Variants in PPFIA2 observed in about 807,000 individuals in gnomAD.
The protein encoded by PPFIA2 is PPFI scaffold protein A2, also known as liprin-alpha-2.
In PPFIA2, 46 loss-of-function variants were observed where a neutral mutation model predicts 175.5. That is an observed-to-expected ratio of 0.26 (90% CI 0.21 to 0.34). The LOEUF (loss-of-function observed/expected upper bound fraction) is 0.34. PPFIA2 is among the 10% of genes least tolerant of loss of function. The pLI, the probability that PPFIA2 is intolerant of heterozygous loss-of-function variation, is 1.00. For missense variants in PPFIA2, 1,179 were observed against 1,506.1 expected, an observed-to-expected ratio of 0.78 and a Z score of 3.60; for synonymous variants, 568 against 511.4, an observed-to-expected ratio of 1.11 and a Z score of -1.49.
rs563525020 is a variant in PPFIA2 at position 81,448,504 on chromosome 12, C to G, written c.406-2784G>C. On this transcript the variant is annotated intron_variant, in intron 5 of 32. Transcript: ENST00000549396. ...GAGTTAGGTCATTTATACCTCTGCT[C>G]AAATTTTTAATGTCTTCTTATTGAG... Among the ~76,000 whole-genome samples, 11 of 152,302 alleles carry G rather than the reference C, an allele frequency of 7.2e-5. No homozygotes were observed. In the South Asian group the frequency reaches 1.0e-3, roughly 14 times the overall value.
At chr12:81,612,294 G>A (rs1440697358) in intron 4 of PPFIA2, among the ~76,000 whole-genome samples, 2 of 152,010 alleles carry the variant, frequency 1.3e-5, no homozygotes, top group African/African-American at 4.8e-5. Context: ...CACTTGTAGT[G>A]CTCATTCTTT....
chr12:81,618,047 C>T (rs908311935), intron 4 of PPFIA2, among the ~76,000 whole-genome samples: 2 of 152,092 alleles, frequency 1.3e-5, no homozygotes, highest in Non-Finnish European at 2.9e-5. Context: ...TTTGCAGTTG[C>T]TGATTTTTTT....
chr12:81,496,679 C>T (rs2060060974), intron 4 of PPFIA2, among the ~76,000 whole-genome samples: 2 of 152,118 alleles, frequency 1.3e-5, no homozygotes, highest in Non-Finnish European at 2.9e-5. Context: ...ATCAGAGAGT[C>T]CAATGTTTCT....
intron 4 of PPFIA2, among the ~76,000 whole-genome samples, chr12:81,474,888 A>G (rs1007535173): frequency 9.9e-5 from 15 of 152,230 alleles, no homozygotes; most frequent in African/African-American, 2.4e-5. Flanking sequence ...AGTCACTAGC[A>G]GATACAAAAG....
At chr12:81,527,169 G>T (rs2063826760) in intron 4 of PPFIA2, among the ~76,000 whole-genome samples, 2 of 152,084 alleles carry the variant, frequency 1.3e-5, no homozygotes, top group African/African-American at 4.8e-5. Context: ...ATAGGTGTCA[G>T]CACTGTAAAA....
chr12:81,377,752 C>T (rs1291526319), intron 9 of PPFIA2, among the ~76,000 whole-genome samples: 1 of 151,890 alleles, frequency 6.6e-6, no homozygotes, highest in African/African-American at 2.4e-5. Context: ...TTATTTCTTC[C>T]CCTCCATCTT....
chr12:81,584,763 T>C (rs995279244), intron 4 of PPFIA2, among the ~76,000 whole-genome samples: 1 of 140,894 alleles, frequency 7.1e-6, no homozygotes, highest in Non-Finnish European at 1.5e-5. Context: ...ATGGTAAATA[T>C]ATAGCATAAA....
At chr12:81,719,984 G>C (rs905658231) in intron 3 of PPFIA2, among the ~76,000 whole-genome samples, 1 of 151,256 alleles carries the variant, frequency 6.6e-6, no homozygotes, top group Non-Finnish European at 1.5e-5. Flanking sequence ...TCTGTATTTA[G>C]AGTTAGTAAA....
intron 2 of PPFIA2, among the ~76,000 whole-genome samples, chr12:81,758,015 G>C (rs922014400): frequency 6.6e-6 from 1 of 152,092 alleles, no homozygotes; most frequent in Admixed American, 6.5e-5. Context: ...CTCTTTGAAA[G>C]CCTCTGTCCT....
chr12:81,288,210 AAACACT>A (rs1464488345), intron 24 of PPFIA2, among the ~76,000 whole-genome samples: 1 of 151,872 alleles, frequency 6.6e-6, no homozygotes, highest in Non-Finnish European at 1.5e-5. Context: ...GAATAGAAAG[AAACACT>A]AAAAAGTTTA....
intron 3 of PPFIA2, among the ~76,000 whole-genome samples, chr12:81,735,765 T>C (rs556214301): frequency 6.6e-6 from 1 of 151,964 alleles, no homozygotes; most frequent in Admixed American, 6.6e-5. Flanking sequence ...TTGTGTATGA[T>C]GTTTGGTAAG....
chr12:81,444,575 TTTC>T (rs751513809), intron 6 of PPFIA2, among the ~76,000 whole-genome samples: 4 of 152,118 alleles, frequency 2.6e-5, no homozygotes, highest in East Asian at 3.8e-4. Flanking sequence ...TGAGATACAA[TTTC>T]TTCTTAATAC....
intron 24 of PPFIA2, among the ~76,000 whole-genome samples, chr12:81,290,852 A>G (rs1034020756): frequency 1.3e-5 from 2 of 151,870 alleles, no homozygotes; most frequent in African/African-American, 2.4e-5. Context: ...ACAAGCACAT[A>G]TTTTACACAC....
chr12:81,546,308 T>G (rs1487203445), intron 4 of PPFIA2: 1 of 152,068 alleles, frequency 6.6e-6, no homozygotes, highest in African/African-American at 2.4e-5. Context: ...TTACCACTGT[T>G]TTTTTCTAAA....
chr12:81,718,894 A>T (rs1335553200), intron 3 of PPFIA2, among the ~76,000 whole-genome samples: 1 of 151,530 alleles, frequency 6.6e-6, no homozygotes, highest in Admixed American at 6.6e-5. Flanking sequence ...GCACGTTGGG[A>T]AAGGGAAATA....
chr12:81,462,807 T>C (rs1182396154), intron 4 of PPFIA2, among the ~76,000 whole-genome samples: 2 of 151,728 alleles, frequency 1.3e-5, no homozygotes, highest in Non-Finnish European at 2.9e-5. Context: ...CTAGAATGAA[T>C]GAGAGCATAT....
intron 4 of PPFIA2, among the ~76,000 whole-genome samples, chr12:81,593,597 T>G (rs2058920397): frequency 6.6e-6 from 1 of 152,186 alleles, no homozygotes; most frequent in African/African-American, 2.4e-5. Context: ...AGCATAAAAT[T>G]TGTTTTGGTA....
At chr12:81,690,694 A>T in intron 3 of PPFIA2, among the ~76,000 whole-genome samples, 1 of 152,140 alleles carries the variant, frequency 6.6e-6, no homozygotes, top group East Asian at 1.9e-4. Context: ...GAATTTCCAC[A>T]AATTAGTGAC....
intron 21 of PPFIA2, among the ~76,000 whole-genome samples, chr12:81,331,937 G>A (rs2056210909): frequency 6.6e-6 from 1 of 152,126 alleles, no homozygotes; most frequent in Admixed American, 6.6e-5. Flanking sequence ...GTAGAGCTCT[G>A]TGAAGACTCA....
Sources: allele counts gnomAD v4.1 joint callset (sites outside exome capture counted in the v4.1 genomes callset), GRCh38; gene constraint gnomAD v4.1.1; transcripts MANE v1.5; gene names NCBI Gene and HGNC (gene_info 2026-07-23, HGNC 2026-07-21).